The following ZNF385D variants were observed in gnomAD, a reference collection of about 807,000 sequenced individuals.
The protein encoded by ZNF385D is zinc finger protein 385D.
ZNF385D carries 15 observed loss-of-function variants against 35.8 expected under a neutral mutation model. The observed-to-expected ratio is 0.42, with a 90% CI of 0.28 to 0.64. The LOEUF (loss-of-function observed/expected upper bound fraction) is 0.64, where lower values mean the gene tolerates loss of function less well. Among genes scored for constraint, ZNF385D ranks in the 30% least tolerant of loss-of-function variants. The pLI, the probability that ZNF385D is intolerant of heterozygous loss-of-function variation, is 0.23. For missense variants in ZNF385D, 474 were observed against 494.6 expected (o/e 0.96, Z 0.39); for synonymous variants, 212 against 186.8 (o/e 1.13, Z -1.10).
At chr3:22,328,614 T>G (rs1371745956) in intron 2 of ZNF385D, among the ~76,000 whole-genome samples, 1 of 143,850 alleles carries the variant, frequency 7.0e-6, no homozygotes, top group East Asian at 2.1e-4. Flanking sequence ...AATACAAAAA[T>G]TAGCTGGGCA....
chr3:21,605,585 T>A lies in ZNF385D; in HGVS notation c.166-40901A>T, dbSNP rs926836345. 2.0e-5 allele frequency among the ~76,000 whole-genome samples: 3 copies of A among 152,314 alleles called. No homozygotes were observed. In the East Asian group the frequency reaches 5.8e-4, roughly 29 times the overall value. ...TCCTAATCACACTAACTAAAAGGGATCTCTGCCTCTTCAGGAATCTTTCAG... is the reference window on the plus strand; with the variant it reads ...TCCTAATCACACTAACTAAAAGGGAACTCTGCCTCTTCAGGAATCTTTCAG... On this transcript the variant is annotated intron_variant, in intron 2 of 7. Coordinates refer to ENST00000281523, the MANE Select transcript of ZNF385D (RefSeq NM_024697.3).
chr3:21,711,080 C>T (rs58461253), intron 1 of ZNF385D, among the ~76,000 whole-genome samples: 3 of 110,996 alleles, frequency 2.7e-5, no homozygotes, highest in East Asian at 2.7e-4. Flanking sequence ...CTTGCTCTGT[C>T]GCCTAGGATG....
intron 3 of ZNF385D, among the ~76,000 whole-genome samples, chr3:21,554,198 A>G (rs1248161050): frequency 1.3e-5 from 2 of 152,184 alleles, no homozygotes; most frequent in Non-Finnish European, 2.9e-5. Flanking sequence ...TAAGAGTGGG[A>G]AGTCAAAATT....
chr3:22,325,036 T>C (rs1329424231), intron 2 of ZNF385D, among the ~76,000 whole-genome samples: 1 of 152,208 alleles, frequency 6.6e-6, no homozygotes, highest in Non-Finnish European at 1.5e-5. Flanking sequence ...CTAAGTTTGC[T>C]CTGATAATTA....
At chr3:22,097,460 GA>G (rs1303184878) in intron 3 of ZNF385D, among the ~76,000 whole-genome samples, 1 of 151,988 alleles carries the variant, frequency 6.6e-6, no homozygotes, top group Non-Finnish European at 1.5e-5. Context: ...GTTGTTATTG[GA>G]AACTGGAAGA....
At chr3:22,171,704 G>T (rs1033135486) in intron 2 of ZNF385D, among the ~76,000 whole-genome samples, 2 of 151,644 alleles carry the variant, frequency 1.3e-5, no homozygotes, top group African/African-American at 4.8e-5. Context: ...GTGAAATCCC[G>T]TCTCTACTAA....
Position 22,269,719 on chromosome 3 carries a change from G to A in ZNF385D, c.107-100684C>T, listed in dbSNP as rs537134779. 2.0e-5 allele frequency among the ~76,000 whole-genome samples: 3 copies of A among 151,574 alleles called. No homozygotes were observed. In the East Asian group the frequency reaches 5.9e-4, roughly 30 times the overall value. On this transcript the variant is annotated intron_variant, in intron 2 of 5. Coordinates refer to the ZNF385D transcript ENST00000494108. The stretch of plus-strand genomic sequence containing the variant: ...ATATAATTGATCATTCTCTTTTTTT[G>A]GGGGGAGGGTAGGTAAAGAACAGTT...
At chr3:21,967,945 T>C (rs1490196632) in intron 3 of ZNF385D, among the ~76,000 whole-genome samples, 4 of 152,196 alleles carry the variant, frequency 2.6e-5, no homozygotes, top group Admixed American at 2.0e-4. Context: ...CTTAACATCA[T>C]GTAAGGAAAG....
chr3:21,509,264 A>T (rs1264075211), intron 4 of ZNF385D, among the ~76,000 whole-genome samples: 1 of 152,180 alleles, frequency 6.6e-6, no homozygotes, highest in Non-Finnish European at 1.5e-5. Context: ...CCTTTACATC[A>T]AACTCATCTC....
intron 2 of ZNF385D, among the ~76,000 whole-genome samples, chr3:22,264,562 TTTAAA>T (rs1276592147): frequency 6.6e-6 from 1 of 151,978 alleles, no homozygotes; most frequent in African/African-American, 2.4e-5. Context: ...CTTTCCACAT[TTTAAA>T]TTGAGTTTTT....
chr3:22,341,056 G>A (rs1056399694), intron 2 of ZNF385D, among the ~76,000 whole-genome samples: 2 of 152,326 alleles, frequency 1.3e-5, no homozygotes, highest in African/African-American at 4.8e-5. Context: ...AGTTATGATG[G>A]CTAGGGACTT....
intron 3 of ZNF385D, among the ~76,000 whole-genome samples, chr3:21,907,326 C>G (rs1243432371): frequency 3.3e-5 from 5 of 152,108 alleles, no homozygotes; most frequent in African/African-American, 9.7e-5. Context: ...TATATCTTTA[C>G]TTCTACAATA....
intron 1 of ZNF385D, among the ~76,000 whole-genome samples, chr3:21,667,063 C>G (rs891348229): frequency 2.0e-5 from 3 of 152,112 alleles, no homozygotes; most frequent in Non-Finnish European, 4.4e-5. Context: ...GGCGACAGAG[C>G]AAGACTCTAT....
chr3:22,093,335 G>T (rs1342435132), intron 3 of ZNF385D, among the ~76,000 whole-genome samples: 1 of 151,456 alleles, frequency 6.6e-6, no homozygotes, highest in Admixed American at 6.6e-5. Context: ...ACTACATATG[G>T]ATACAAATAA....
intron 3 of ZNF385D, among the ~76,000 whole-genome samples, chr3:21,936,291 CA>C (rs1353688729): frequency 2.0e-5 from 3 of 151,870 alleles, no homozygotes; most frequent in African/African-American, 7.2e-5. Context: ...CGACTTTCAA[CA>C]ATATACATAA....
rs1160185495 is a variant in ZNF385D, at chr3:21,769,624, A to T, written c.326-104596T>A. On this transcript the variant is annotated intron_variant, in intron 3 of 5. Coordinates refer to the ZNF385D transcript ENST00000494108. The stretch of plus-strand genomic sequence containing the variant: ...ATGGAAGAACATTCCATGCTCATGG[A>T]TAGGAAGAATCAATATCATGAAAAT... Among the ~76,000 whole-genome samples, 558 of 109,296 alleles carry T rather than the reference A, an allele frequency of 5.1e-3. 13 individuals are homozygous for T. Among genetic ancestry groups the T allele is most frequent in the African/African-American group, 0.021 (516 of 24,958 alleles). The allele number at this position is 109,296 out of a possible 152,430, so 71.7% of individuals were successfully genotyped here. A position where few individuals can be genotyped will look rare whatever the true frequency, so the allele number is the denominator to read the frequency against.
Position 21,453,196 on chromosome 3 carries a change from C to T in ZNF385D, c.440-15993G>A, listed in dbSNP as rs561068860. Among the ~76,000 whole-genome samples, 3 of 151,320 alleles carry T rather than the reference C, an allele frequency of 2.0e-5. No homozygotes were observed. The East Asian group carries it at 5.8e-4, about 29-fold the overall frequency. On this transcript the variant is annotated intron_variant, in intron 4 of 7. Coordinates refer to ENST00000281523, the MANE Select transcript of ZNF385D (RefSeq NM_024697.3). ...AAAAAAAAAAAATGAAGTTGGACCC[C>T]TGCCTCACACCGCATGTCATTCAAA...
intron 2 of ZNF385D, among the ~76,000 whole-genome samples, chr3:21,588,463 ATG>A (rs1300061415): frequency 6.6e-6 from 1 of 152,124 alleles, no homozygotes; most frequent in East Asian, 1.9e-4. Context: ...TAATAGAAGA[ATG>A]TATGAAAAAC....
intron 2 of ZNF385D, among the ~76,000 whole-genome samples, chr3:22,173,058 C>G (rs1296709450): frequency 3.3e-5 from 5 of 152,172 alleles, no homozygotes; most frequent in African/African-American, 1.2e-4. Context: ...GACGTGCTAA[C>G]AATGGTATTT....
Sources: gnomAD v4.1 joint callset for allele counts (sites outside exome capture counted in the v4.1 genomes callset) on GRCh38, gnomAD v4.1.1 for gene constraint, MANE v1.5 for transcripts, NCBI Gene and HGNC (gene_info 2026-07-23, HGNC 2026-07-21) for gene names.